The following XKR9 variants were observed in gnomAD, a reference collection of about 807,000 sequenced individuals.
XKR9 encodes XK related 9.
In XKR9, 32 loss-of-function variants were observed where a neutral mutation model predicts 32.0. That is an observed-to-expected ratio of 1.00 (90% CI 0.76 to 1.34). The LOEUF (loss-of-function observed/expected upper bound fraction) is 1.34. XKR9 is among the 40% of genes most tolerant of loss of function. XKR9 has a pLI of 0.00. For synonymous variants in XKR9, 168 were observed against 143.4 expected (o/e 1.17, Z -1.22); for missense variants, 546 against 429.7 (o/e 1.27, Z -2.39).
At chr8:70,779,123 A>G (rs1807577091) in intron 2 of XKR9, among the ~76,000 whole-genome samples, 1 of 152,162 alleles carries the variant, frequency 6.6e-6, no homozygotes, top group Non-Finnish European at 1.5e-5. Flanking sequence ...GATATGTTCC[A>G]TCAATACCTA....
At chr8:70,847,035 TAC>T in the XKR9 span, among the ~76,000 whole-genome samples, 1 of 152,084 alleles carries the variant, frequency 6.6e-6, no homozygotes, top group Non-Finnish European at 1.5e-5. Context: ...AGCTGCAGAA[TAC>T]ACATTCTTCT....
the XKR9 span, among the ~76,000 whole-genome samples, chr8:71,034,907 G>GAA: frequency 6.6e-6 from 1 of 152,124 alleles, no homozygotes; most frequent in African/African-American, 2.4e-5. Flanking sequence ...CTTCATGAAT[G>GAA]TATTTATCAT....
chr8:70,742,698 CCTTT>C (rs1229009266), intron 2 of XKR9, among the ~76,000 whole-genome samples: 4 of 151,884 alleles, frequency 2.6e-5, no homozygotes, highest in Non-Finnish European at 5.9e-5. Flanking sequence ...TTTTTTCCTT[CCTTT>C]AAGTGTTTTA....
At chr8:70,717,410 C>G (rs1450709742) in intron 4 of XKR9, among the ~76,000 whole-genome samples, 1 of 152,210 alleles carries the variant, frequency 6.6e-6, no homozygotes, top group African/African-American at 2.4e-5. Flanking sequence ...CCTCTAAAAT[C>G]TAGGTGGAGG....
At chr8:70,947,292 C>T in the XKR9 span, among the ~76,000 whole-genome samples, 1 of 152,208 alleles carries the variant, frequency 6.6e-6, no homozygotes, top group Admixed American at 6.5e-5. Context: ...TGGAAACATA[C>T]TGAGAACAGT....
downstream of XKR9, among the ~76,000 whole-genome samples, chr8:70,739,476 T>G (rs141279330): frequency 0.012 from 1,776 of 152,310 alleles, 34 homozygotes; most frequent in African/African-American, 0.039. Flanking sequence ...CATTTAAAGT[T>G]AATATTGTTA....
intron 2 of XKR9, among the ~76,000 whole-genome samples, chr8:70,763,024 A>C (rs888528379): frequency 2.0e-5 from 3 of 152,190 alleles, no homozygotes; most frequent in African/African-American, 7.2e-5. Context: ...ATCCTGAATA[A>C]TTTTGTGACT....
the XKR9 span, among the ~76,000 whole-genome samples, chr8:70,938,466 T>G: frequency 6.6e-5 from 10 of 151,978 alleles, no homozygotes; most frequent in African/African-American, 2.4e-4. Flanking sequence ...CCTCTTCTTC[T>G]GTGTGTTGTT....
chr8:70,713,669 TAAG>T (rs35805280), intron 4 of XKR9, among the ~76,000 whole-genome samples: 48,131 of 151,762 alleles, frequency 0.32, 8,993 homozygotes, highest in Non-Finnish European at 0.43. Context: ...GCTATGTGGT[TAAG>T]AAGAAGAATG....
chr8:70,750,355 A>C lies in XKR9; in HGVS notation n.353-38984A>C, dbSNP rs73684544. 5.4e-3 allele frequency among the ~76,000 whole-genome samples: 825 copies of C among 152,264 alleles called. 12 individuals carry two copies. The highest frequency in any genetic ancestry group is 0.019 in the African/African-American group (792 of 41,546). ...AATGGAGTATATTTTTTTCCCTAGG[A>C]AAATCATCTGATTCCACTTTGGGAG... On this transcript the variant is annotated intron_variant and non_coding_transcript_variant, in intron 2 of 3. Coordinates refer to the XKR9 transcript ENST00000520273.
chr8:70,680,303 C>T (rs571612393), intron 2 of XKR9, among the ~76,000 whole-genome samples: 131 of 152,082 alleles, frequency 8.6e-4, no homozygotes, highest in African/African-American at 3.0e-3. Context: ...TTCAATATTT[C>T]GCTCTTATAA....
chr8:70,909,053 G>GT, the XKR9 span, among the ~76,000 whole-genome samples: 2 of 152,012 alleles, frequency 1.3e-5, no homozygotes, highest in East Asian at 3.9e-4. Context: ...CCCATTTTAG[G>GT]TTTTTTTATT....
chr8:71,032,281 CAAAAAAAAAAAA>C, the XKR9 span, among the ~76,000 whole-genome samples: 3 of 73,208 alleles, frequency 4.1e-5, no homozygotes, highest in African/African-American at 1.0e-4. Flanking sequence ...GAGACTCTGT[CAAAAAAAAAAAA>C]AAAAAAAAAA....
At chr8:70,983,343 T>C in the XKR9 span, among the ~76,000 whole-genome samples, 4 of 152,184 alleles carry the variant, frequency 2.6e-5, no homozygotes, top group Non-Finnish European at 5.9e-5. Context: ...CATAACCGTC[T>C]GAACTTCCTG....
intron 2 of XKR9, among the ~76,000 whole-genome samples, chr8:70,780,076 C>T (rs1480530518): frequency 6.6e-6 from 1 of 151,748 alleles, no homozygotes; most frequent in Non-Finnish European, 1.5e-5. Context: ...TTTCCTATTT[C>T]TCTTGTGGGC....
the XKR9 span, among the ~76,000 whole-genome samples, chr8:70,848,875 G>A: frequency 6.6e-6 from 1 of 151,932 alleles, no homozygotes; most frequent in African/African-American, 2.4e-5. Context: ...AATGGTAAAG[G>A]GATCAATGCA....
At chr8:70,901,663 A>T in the XKR9 span, among the ~76,000 whole-genome samples, 7 of 152,240 alleles carry the variant, frequency 4.6e-5, no homozygotes, top group African/African-American at 1.7e-4. Flanking sequence ...TCTTTAGTTT[A>T]ATTAGATCCA....
chr8:70,681,126 T>C lies in XKR9; in HGVS notation c.68T>C (p.Ile23Thr). The change falls in exon 3 of 5, where the codon ATT (isoleucine) becomes ACT (threonine). Residue 23 changes from isoleucine (I) to threonine (T), a missense_variant. Transcript: ENST00000408926. ...ATTATAATCTACGTAACTGATTTAATTGTGGACATATGGGTATCTGTCAGA... is the reference window on the plus strand; with the variant it reads ...ATTATAATCTACGTAACTGATTTAACTGTGGACATATGGGTATCTGTCAGA... ...LGIIIYVTDL[I>T]VDIWVSVRFF... 1 of 1,613,504 alleles carries C rather than the reference T, an allele frequency of 6.2e-7. No homozygotes were observed. The highest frequency in any genetic ancestry group is 8.5e-7 in the Non-Finnish European group (1 of 1,179,556).
At chr8:71,037,090 G>A in the XKR9 span, among the ~76,000 whole-genome samples, 6 of 152,030 alleles carry the variant, frequency 3.9e-5, no homozygotes, top group Admixed American at 1.3e-4. Context: ...CTTGTCAGGT[G>A]AGTTACCAGA....
Sources: gnomAD v4.1 joint callset for allele counts (sites outside exome capture counted in the v4.1 genomes callset) on GRCh38, gnomAD v4.1.1 for gene constraint, MANE v1.5 for transcripts, NCBI Gene and HGNC (gene_info 2026-07-23, HGNC 2026-07-21) for gene names.